CDH3: variants seen among roughly 807,000 people sequenced by gnomAD.
CDH3 encodes cadherin-3.
Under a neutral mutation model 82.0 loss-of-function variants are expected in CDH3, and 54 were observed. That is an observed-to-expected ratio of 0.66 (90% CI 0.53 to 0.83). CDH3 has a LOEUF of 0.83. Ranked by LOEUF, CDH3 falls within the 40% of genes least tolerant of loss-of-function variation. The pLI is 0.00. For missense variants in CDH3, 1,054 were observed against 1,084.6 expected, an observed-to-expected ratio of 0.97 and a Z score of 0.40; for synonymous variants, 446 against 437.9, an observed-to-expected ratio of 1.02 and a Z score of -0.23.
rs551842887 is a variant in CDH3 at position 68,679,039 on chromosome 16, C to A, written c.691+133C>A. Reference sequence around the variant, plus strand: ...TCTTCTTAAAAATCCAGATTTCCCCCCTTCCATCCCAAGGTTCCTGAATAA... The same window carrying A: ...TCTTCTTAAAAATCCAGATTTCCCCACTTCCATCCCAAGGTTCCTGAATAA... On this transcript the variant is annotated intron_variant, in intron 6 of 15. Transcript: ENST00000264012. 1.7e-5 allele frequency: 15 copies of A among 885,604 alleles called. No individual in the cohort carries two copies. In the East Asian group the frequency reaches 2.9e-4, roughly 17 times the overall value. 54.9% of individuals were successfully genotyped at this position (885,604 alleles called of 1,614,324 possible). A position where few individuals can be genotyped will look rare whatever the true frequency, so the allele number is the denominator to read the frequency against.
intron 2 of CDH3, among the ~76,000 whole-genome samples, chr16:68,671,531 T>C (rs1003734629): frequency 2.0e-5 from 3 of 146,612 alleles, no homozygotes; most frequent in Admixed American, 6.7e-5. Context: ...CTTTTTTTTT[T>C]TTTTTTTTTG....
intron 9 of CDH3, among the ~76,000 whole-genome samples, chr16:68,683,390 G>A (rs1170581113): frequency 2.0e-5 from 3 of 151,952 alleles, no homozygotes; most frequent in Admixed American, 1.3e-4. Flanking sequence ...TGTGGCTCAC[G>A]CCTGTAATCC....
intron 15 of CDH3, 66 bp from the exon 16 acceptor site, chr16:68,698,125 T>C (rs372573673): frequency 1.1e-5 from 16 of 1,441,616 alleles, no homozygotes; most frequent in Middle Eastern, 3.5e-4. Flanking sequence ...AGAGAGGAAA[T>C]GGAGGCTTGC....
downstream of CDH3, among the ~76,000 whole-genome samples, chr16:68,731,501 T>TAC (rs1962293018): frequency 1.3e-5 from 1 of 77,586 alleles, no homozygotes; most frequent in Admixed American, 1.5e-4. Context: ...CATATATATA[T>TAC]ACACACACAC....
intron 2 of CDH3, among the ~76,000 whole-genome samples, chr16:68,653,865 A>G (rs1960323251): frequency 6.6e-6 from 1 of 150,742 alleles, no homozygotes; most frequent in African/African-American, 2.4e-5. Context: ...AATTTTTTGT[A>G]TTTTTAATAG....
chr16:68,711,327 A>G (rs1962028238), intron 1 of CDH3, among the ~76,000 whole-genome samples: 1 of 151,812 alleles, frequency 6.6e-6, no homozygotes, highest in Non-Finnish European at 1.5e-5. Context: ...GAGAGGGAGA[A>G]AGAGAAAAAA....
chr16:68,658,617 A>T (rs117768501), intron 2 of CDH3, among the ~76,000 whole-genome samples: 2,498 of 152,176 alleles, frequency 0.016, 31 homozygotes, highest in Non-Finnish European at 0.022. Context: ...GCAGGGGAGA[A>T]ACAGCAACTT....
At chr16:68,659,308 A>G (rs1320486516) in intron 2 of CDH3, among the ~76,000 whole-genome samples, 1 of 152,114 alleles carries the variant, frequency 6.6e-6, no homozygotes, top group East Asian at 1.9e-4. Context: ...GTGGCTCACA[A>G]CTGTAATTCT....
chr16:68,684,851 A>G, intron 10 of CDH3, 27 bp downstream of exon 10: 1 of 1,613,738 alleles, frequency 6.2e-7, no homozygotes, highest in South Asian at 1.1e-5. Flanking sequence ...CTCAGTAAGC[A>G]GCACGTACTG....
rs1960335101 is a variant in CDH3, at chr16:68,654,165, T to G, written c.160+8415T>G. ...AACTCCGCCTCCCGGATTCAAGCGA[T>G]TCTCCTGCCTCAGCCTCCTGAATAG... On this transcript the variant is annotated intron_variant, in intron 2 of 15. Coordinates refer to ENST00000264012, the MANE Select transcript of CDH3 (RefSeq NM_001793.6). Among the ~76,000 whole-genome samples the G allele has an allele frequency of 2.7e-5, 4 of 150,390 alleles. No homozygotes were observed. The South Asian group carries it at 8.4e-4, about 32-fold the overall frequency.
At chr16:68,709,571 A>G (rs1030814971) in intron 1 of CDH3, among the ~76,000 whole-genome samples, 2 of 151,892 alleles carry the variant, frequency 1.3e-5, no homozygotes, top group African/African-American at 4.8e-5. Flanking sequence ...CGATTCTACT[A>G]CCTAAGCCTC....
intron 1 of CDH3, among the ~76,000 whole-genome samples, chr16:68,712,585 G>T (rs976950094): frequency 2.0e-5 from 3 of 152,118 alleles, no homozygotes; most frequent in Non-Finnish European, 4.4e-5. Flanking sequence ...CCATAACATT[G>T]TGCAGATGGT....
At chr16:68,713,397 C>T (rs901166564) in intron 1 of CDH3, among the ~76,000 whole-genome samples, 1 of 151,880 alleles carries the variant, frequency 6.6e-6, no homozygotes, top group Non-Finnish European at 1.5e-5. Flanking sequence ...TTAGACATCC[C>T]GACCCTGGAG....
At chr16:68,685,426 C>T in intron 11 of CDH3, 76 bp downstream of exon 11, 2 of 1,497,148 alleles carry the variant, frequency 1.3e-6, no homozygotes, top group Non-Finnish European at 1.9e-6. Context: ...CAGCATGTTT[C>T]CTCCACAGGT....
chr16:68,732,881 T>G, the CDH3 span, among the ~76,000 whole-genome samples: 1 of 147,944 alleles, frequency 6.8e-6, no homozygotes, highest in Non-Finnish European at 1.5e-5. Flanking sequence ...AGGTTCGAAA[T>G]GATGAGCTGG....
chr16:68,668,530 A>G (rs931265515), intron 2 of CDH3, among the ~76,000 whole-genome samples: 1 of 152,198 alleles, frequency 6.6e-6, no homozygotes. Flanking sequence ...CTTGCAGAGA[A>G]GACTACTCAT....
At chr16:68,705,285 C>CTA (rs1961946031), downstream of CDH3, among the ~76,000 whole-genome samples, 1 of 152,152 alleles carries the variant, frequency 6.6e-6, no homozygotes, top group African/African-American at 2.4e-5. Context: ...CTCACTGACT[C>CTA]TGAGACTCTG....
chr16:68,691,531 TCCTTTTC>T (rs1307757398), intron 12 of CDH3, among the ~76,000 whole-genome samples, 182 bp from the exon 13 acceptor site: 2 of 152,198 alleles, frequency 1.3e-5, no homozygotes, highest in African/African-American at 4.8e-5. Flanking sequence ...ATCCCAATAA[TCCTTTTC>T]ATTATGGTGA....
At chr16:68,711,036 C>T (rs1002324810) in intron 1 of CDH3, among the ~76,000 whole-genome samples, 1 of 143,028 alleles carries the variant, frequency 7.0e-6, no homozygotes, top group Non-Finnish European at 1.5e-5. Context: ...GGAGAGAAGG[C>T]GAGGTGGCTC....
Sources: gnomAD v4.1 joint callset for allele counts (sites outside exome capture counted in the v4.1 genomes callset) on GRCh38, gnomAD v4.1.1 for gene constraint, MANE v1.5 for transcripts, NCBI Gene and HGNC (gene_info 2026-07-23, HGNC 2026-07-21) for gene names.